Variants in CCDC178 observed in about 807,000 individuals in gnomAD.
CCDC178 encodes the protein coiled-coil domain containing 178.
A neutral mutation model predicts 117.4 loss-of-function variants in CCDC178; 126 were observed. That is an observed-to-expected ratio of 1.07 (90% CI 0.93 to 1.24). CCDC178 has a LOEUF of 1.24. Ranked by LOEUF, CCDC178 falls within the 50% of genes most tolerant of loss-of-function variation. The pLI is 0.00. For synonymous variants in CCDC178, 283 were observed against 313.4 expected, an observed-to-expected ratio of 0.90 and a Z score of 1.02; for missense variants, 1,030 against 986.9, an observed-to-expected ratio of 1.04 and a Z score of -0.59.
chr18:33,356,340 T>C lies in CCDC178; in HGVS notation c.355A>G (p.Thr119Ala), dbSNP rs753492981. ...KIQEHLKRFE[T>A]SFEEWSRTSS... ...TTTTCTTACCATTCTTCAAAAGAAG[T>C]TTCAAACTGTCAAAACAAAAGATCT... is the stretch of plus-strand genomic sequence containing the variant. The change falls in exon 7 of 23, where the codon ACT becomes GCT. Residue 119 changes from threonine to alanine, a missense_variant. Transcript: ENST00000383096. 9 of 1,480,986 alleles carry C rather than the reference T, an allele frequency of 6.1e-6. No individual in the cohort carries two copies. In the East Asian group the frequency reaches 2.2e-4, roughly 36 times the overall value. 91.7% of individuals were successfully genotyped at this position (1,480,986 alleles called of 1,614,324 possible). A position where few individuals can be genotyped will look rare whatever the true frequency, so the allele number is the denominator to read the frequency against.
chr18:33,274,490 T>C lies in CCDC178; in HGVS notation c.1177-7193A>G, dbSNP rs919777087. 4.6e-5 allele frequency among the ~76,000 whole-genome samples: 7 copies of C among 151,730 alleles called. No homozygotes were observed. In the East Asian group the frequency reaches 1.4e-3, roughly 29 times the overall value. ...CTTTATTCTTAAGAGTCAAAAAAAG[T>C]GGAAACAGCCAAAAATCCATCTACT... On this transcript the variant is annotated intron_variant, in intron 12 of 22. Transcript: ENST00000383096.
chr18:33,426,402 G>A (rs1201837874), intron 2 of CCDC178, among the ~76,000 whole-genome samples: 1 of 152,176 alleles, frequency 6.6e-6, no homozygotes, highest in Non-Finnish European at 1.5e-5. Flanking sequence ...AATTTGACCA[G>A]ACACATCTTT....
At chr18:33,095,659 GA>G (rs1049716759) in intron 20 of CCDC178, among the ~76,000 whole-genome samples, 6 of 151,650 alleles carry the variant, frequency 4.0e-5, no homozygotes, top group African/African-American at 1.5e-4. Flanking sequence ...GTGCCCTTTG[GA>G]ACCACACATT....
chr18:33,216,788 T>C (rs748713232), intron 18 of CCDC178, among the ~76,000 whole-genome samples: 2 of 152,008 alleles, frequency 1.3e-5, no homozygotes. Flanking sequence ...AATAAAAGGA[T>C]TTTTTCTCCT....
intron 21 of CCDC178, among the ~76,000 whole-genome samples, chr18:33,030,840 C>T (rs865828584): frequency 2.0e-5 from 3 of 152,100 alleles, no homozygotes; most frequent in African/African-American, 7.2e-5. Flanking sequence ...AGGGAATTGG[C>T]TCACATGATC....
In CCDC178 at chr18:33,328,082, GATTTTTT is replaced by G. The variant is rs1272218039; in HGVS notation, c.880-4456_880-4450del. On this transcript the variant is annotated intron_variant, in intron 10 of 22. Coordinates refer to ENST00000383096, the MANE Select transcript of CCDC178 (RefSeq NM_001105528.4). The stretch of plus-strand genomic sequence containing the variant: ...CCAAGGTCATAAAGATTTATCCCTA[GATTTTTT>G]TTTTTTTTTTTTTTTTTTTTTTTTT... 3.9e-4 allele frequency: 97 copies of G among 249,126 alleles called. 11 individuals are homozygous for G. The highest frequency in any genetic ancestry group is 2.7e-3 in the African/African-American group (83 of 30,468). 15.4% of individuals were successfully genotyped at this position (249,126 alleles called of 1,614,324 possible).
chr18:33,243,543 T>C (rs1247756537), intron 15 of CCDC178, among the ~76,000 whole-genome samples: 1 of 150,928 alleles, frequency 6.6e-6, no homozygotes, highest in Non-Finnish European at 1.5e-5. Context: ...ATTTAAAAAA[T>C]AAAATTAAAA....
intron 4 of CCDC178, among the ~76,000 whole-genome samples, chr18:33,392,964 A>T (rs1471575402): frequency 6.6e-6 from 1 of 152,242 alleles, no homozygotes; most frequent in African/African-American, 2.4e-5. Flanking sequence ...AAAGAAAATT[A>T]ATGCATCAGT....
chr18:33,371,168 T>C (rs189165705), intron 5 of CCDC178, among the ~76,000 whole-genome samples: 17 of 152,144 alleles, frequency 1.1e-4, no homozygotes, highest in Non-Finnish European at 2.2e-4. Flanking sequence ...AAATGAAGCC[T>C]TATAATATCT....
intron 20 of CCDC178, among the ~76,000 whole-genome samples, chr18:33,102,365 T>C (rs1294453375): frequency 6.8e-6 from 1 of 147,960 alleles, no homozygotes; most frequent in Non-Finnish European, 1.5e-5. Flanking sequence ...GAATACCCTA[T>C]AGAATTACAT....
chr18:33,073,181 G>A (rs1025558501), intron 21 of CCDC178, among the ~76,000 whole-genome samples: 13 of 151,514 alleles, frequency 8.6e-5, no homozygotes, highest in Non-Finnish European at 1.8e-4. Context: ...AGAGAAATAA[G>A]AGAATGAAAA....
chr18:33,160,326 T>C (rs2058447517), intron 20 of CCDC178, among the ~76,000 whole-genome samples: 1 of 152,200 alleles, frequency 6.6e-6, no homozygotes, highest in Admixed American at 6.5e-5. Context: ...TTCACAGATG[T>C]CCTCTTTTAA....
chr18:33,257,720 G>T (rs1364028952), intron 14 of CCDC178, among the ~76,000 whole-genome samples: 1 of 151,900 alleles, frequency 6.6e-6, no homozygotes, highest in African/African-American at 2.4e-5. Flanking sequence ...TTACTTCTCT[G>T]CCTACACTCT....
In CCDC178 at chr18:33,273,967, G is replaced by A. The variant is rs73419943; in HGVS notation, c.1177-6670C>T. Among the ~76,000 whole-genome samples, 1,191 of 151,754 alleles carry A rather than the reference G, an allele frequency of 7.8e-3. 13 individuals carry two copies. The highest frequency in any genetic ancestry group is 0.027 in the African/African-American group (1,111 of 41,476). ...AAGTGAAAAGACATGACATGGAGTG[G>A]GAGAAAATATTTTCAAACAATCTAT... is the stretch of plus-strand genomic sequence containing the variant. On this transcript the variant is annotated intron_variant, in intron 12 of 22. Transcript: ENST00000383096.
chr18:33,266,672 A>C (rs1164866547), intron 14 of CCDC178, among the ~76,000 whole-genome samples: 1 of 151,210 alleles, frequency 6.6e-6, no homozygotes, highest in Non-Finnish European at 1.5e-5. Flanking sequence ...GGATAGCATT[A>C]GGAGATATAC....
At chr18:33,186,625 T>C (rs573021052) in intron 20 of CCDC178, among the ~76,000 whole-genome samples, 95 of 152,054 alleles carry the variant, frequency 6.2e-4, no homozygotes, top group Non-Finnish European at 1.0e-3. Context: ...TTTAGTTTTA[T>C]GTTGGGGTAT....
chr18:33,073,549 AT>A (rs2057151136), intron 21 of CCDC178, among the ~76,000 whole-genome samples: 1 of 132,096 alleles, frequency 7.6e-6, no homozygotes, highest in Admixed American at 7.3e-5. Context: ...CTATCTATCT[AT>A]CTATATATAT....
chr18:33,316,428 G>T (rs530879752), intron 11 of CCDC178, among the ~76,000 whole-genome samples: 1 of 152,210 alleles, frequency 6.6e-6, no homozygotes, highest in East Asian at 1.9e-4. Context: ...GCAGCGCTCC[G>T]GACCTGCAGC....
At chr18:33,410,300 T>C (rs1238517952) in intron 3 of CCDC178, among the ~76,000 whole-genome samples, 3 of 152,200 alleles carry the variant, frequency 2.0e-5, no homozygotes, top group African/African-American at 7.2e-5. Context: ...TGATTCTCTG[T>C]TCATTCCAAA....
Sources: gnomAD v4.1 joint callset for allele counts (sites outside exome capture counted in the v4.1 genomes callset) on GRCh38, gnomAD v4.1.1 for gene constraint, MANE v1.5 for transcripts, NCBI Gene and HGNC (gene_info 2026-07-23, HGNC 2026-07-21) for gene names.